The following MTMR4 variants were observed in gnomAD, a reference collection of about 807,000 sequenced individuals.
The protein encoded by MTMR4 is phosphatidylinositol-3,5-bisphosphate 3-phosphatase MTMR4.
Under a neutral mutation model 125.5 loss-of-function variants are expected in MTMR4, and 30 were observed. The observed-to-expected ratio is 0.24, with a 90% CI of 0.18 to 0.32. The LOEUF is 0.32. MTMR4 is among the 10% of genes least tolerant of loss of function. MTMR4 has a pLI of 1.00. For synonymous variants in MTMR4, 498 were observed against 564.5 expected, an observed-to-expected ratio of 0.88 and a Z score of 1.67; for missense variants, 1,039 against 1,511.5, an observed-to-expected ratio of 0.69 and a Z score of 5.18.
chr17:58,515,140 G>T, upstream of MTMR4: 2 of 706,314 alleles, frequency 2.8e-6, no homozygotes, highest in Non-Finnish European at 3.5e-6. Context: ...TACTCCTTCA[G>T]CTCCATCTCT....
In MTMR4 at chr17:58,512,651, A is replaced by G; in HGVS notation, c.136-145T>C. On this transcript the variant is annotated intron_variant, in intron 2 of 17. Transcript: ENST00000682306. The surrounding 1 kb of genome is among the most constrained non-coding windows in gnomAD (Gnocchi z 4.1). ...CTCTCCACGGTAACAGCACCAGGCA[A>G]CAGCTGTACAGGAAAGCTGCCTTTC... 3.7e-6 allele frequency: 3 copies of G among 805,094 alleles called. No homozygotes were observed. The South Asian group carries it at 4.8e-5, about 13-fold the overall frequency. 49.9% of individuals were successfully genotyped at this position (805,094 alleles called of 1,614,324 possible).
At position 58,491,153 on chromosome 17, in the gene MTMR4, A is replaced by C. The variant is rs1975303972; in HGVS notation, c.*510T>G. ...AGACAGTACTAATGCAACTAGAAGG[A>C]GTGCCTCTAAAGGCTGAGCCTTCAT... On this transcript the variant is annotated 3_prime_UTR_variant, in exon 18 of 18. Coordinates refer to ENST00000682306, the MANE Select transcript of MTMR4 (RefSeq NM_001378067.1). 1 of 152,824 alleles carries C rather than the reference A, an allele frequency of 6.5e-6. No individual in the cohort carries two copies. Among genetic ancestry groups the C allele is most frequent in the Middle Eastern group, 3.2e-3 (1 of 316 alleles). 9.5% of individuals were successfully genotyped at this position (152,824 alleles called of 1,614,324 possible).
In MTMR4 at chr17:58,508,638, AG is replaced by A. The variant is rs775876040; in HGVS notation, c.496+42del. On this transcript the variant is annotated intron_variant, in intron 5 of 17. Coordinates refer to ENST00000682306, the MANE Select transcript of MTMR4 (RefSeq NM_001378067.1). This position sits in a 1 kb window ranked among gnomAD's most constrained non-coding sequence, Gnocchi z 4.8. ...AGGAGTGGAGGAGGGATGAGAACTA[AG>A]GGGTAAGAAGCAGCCTCCCAAAGAA... The A allele has an allele frequency of 6.2e-7, 1 of 1,613,738 alleles. No individual in the cohort carries two copies. Among genetic ancestry groups the A allele is most frequent in the South Asian group, 1.1e-5 (1 of 91,082 alleles).
chr17:58,501,646 G>A (rs562571749), intron 14 of MTMR4, among the ~76,000 whole-genome samples: 1 of 150,894 alleles, frequency 6.6e-6, no homozygotes, highest in South Asian at 2.1e-4. Context: ...ATGTATATAT[G>A]TATACGGATA....
Position 58,512,861 on chromosome 17 carries a change from C to A in MTMR4, c.126G>T (p.Glu42Asp), listed in dbSNP as rs765902821. The change falls in exon 2 of 18, where the codon GAG becomes GAT. Residue 42 changes from glutamate (E) to aspartate (D), a missense_variant. Glu to Asp is a conservative substitution (Grantham distance 45). Coordinates refer to ENST00000682306, the MANE Select transcript of MTMR4 (RefSeq NM_001378067.1). This position sits in a 1 kb window ranked among gnomAD's most constrained non-coding sequence, Gnocchi z 4.1. ...FPPKELVKEE[E>D]NLQVPFTVLQ... The stretch of plus-strand genomic sequence containing the variant: ...CCCAACTCCTCCTTACCTGAAGATT[C>A]TCTTCCTCCTTCACTAGTTCCTTGG... 6.2e-7 allele frequency: 1 copy of A among 1,613,164 alleles called. No homozygotes were observed.
intron 14 of MTMR4, among the ~76,000 whole-genome samples, chr17:58,497,036 A>G (rs1452693175): frequency 3.9e-5 from 6 of 152,200 alleles, no homozygotes; most frequent in Admixed American, 3.9e-4. Flanking sequence ...TATAGCACTC[A>G]GAGTTCTAGA....
At chr17:58,503,119 T>C (rs150454793) in intron 14 of MTMR4, among the ~76,000 whole-genome samples, 84 of 152,328 alleles carry the variant, frequency 5.5e-4, no homozygotes, top group African/African-American at 1.9e-3. Flanking sequence ...CCCCATGCCC[T>C]GTACCAGTGA....
rs1975455949 is a variant in MTMR4 at position 58,496,014 on chromosome 17, G to T, written c.2170C>A (p.Pro724Thr). 1 of 1,613,918 alleles carries T rather than the reference G, an allele frequency of 6.2e-7. No homozygotes were observed. Among genetic ancestry groups the T allele is most frequent in the Non-Finnish European group, 8.5e-7 (1 of 1,180,022 alleles). Residue 724 changes from proline to threonine, a missense_variant, in exon 15 of 18, where the codon CCT (proline) becomes ACT (threonine). Pro to Thr is a conservative substitution (Grantham distance 38). Coordinates refer to ENST00000682306, the MANE Select transcript of MTMR4 (RefSeq NM_001378067.1). ...PSYKLLNTAV[P>T]REMKSNTSDP... Reference sequence around the variant, plus strand: ...GAGGTGTTGCTCTTCATTTCCCGAGGCACTGCGGTATTAAGCAGTTTGTAA... The same window carrying T: ...GAGGTGTTGCTCTTCATTTCCCGAGTCACTGCGGTATTAAGCAGTTTGTAA...
rs1445239272 is a variant in MTMR4 at position 58,508,869 on chromosome 17, G to A, written c.336-28C>T. ...GCCAGGCAAGAAGCCACAGGCCTAG[G>A]TGAGGCAAAGTGCAGTTGTGCCATG... is the stretch of plus-strand genomic sequence containing the variant. On this transcript the variant is annotated intron_variant, in intron 4 of 17. Coordinates refer to ENST00000682306, the MANE Select transcript of MTMR4 (RefSeq NM_001378067.1). The surrounding 1 kb of genome is among the most constrained non-coding windows in gnomAD (Gnocchi z 4.8). 2 of 1,604,474 alleles carry A rather than the reference G, an allele frequency of 1.2e-6. No individual in the cohort carries two copies. Among genetic ancestry groups the A allele is most frequent in the Non-Finnish European group, 1.7e-6 (2 of 1,172,508 alleles).
chr17:58,492,578 G>T lies in MTMR4; in HGVS notation c.3385C>A (p.His1129Asn). The T allele has an allele frequency of 6.2e-7, 1 of 1,613,920 alleles. No homozygotes were observed. The highest frequency in any genetic ancestry group is 8.5e-7 in the Non-Finnish European group (1 of 1,179,950). ...CAGTTATAGCAGTGTGATGCCATAT[G>T]GTCTGGAACCCAGCGAGTCACCTAA... ...ETEVTRWVPD[H>N]MASHCYNCDC... The change falls in exon 17 of 18, where the codon CAT becomes AAT. Residue 1129 changes from histidine to asparagine, a missense_variant. This residue lies in a region of MTMR4 where 60 missense variants were observed against 129.6 expected (regional missense o/e 0.46). Coordinates refer to ENST00000682306, the MANE Select transcript of MTMR4 (RefSeq NM_001378067.1).
chr17:58,517,883 G>A (rs1191515272), upstream of MTMR4: 1 of 154,578 alleles, frequency 6.5e-6, no homozygotes, highest in African/African-American at 2.4e-5. Context: ...CAGCTGCTGA[G>A]GCCGCGCAGT....
At chr17:58,509,143 C>T (rs946716330) in intron 4 of MTMR4, among the ~76,000 whole-genome samples, 1 of 152,092 alleles carries the variant, frequency 6.6e-6, no homozygotes, top group East Asian at 1.9e-4. Flanking sequence ...TGAACGTCTG[C>T]ACTCCTTGTC....
At chr17:58,509,798 C>A (rs1339946317) in intron 4 of MTMR4, among the ~76,000 whole-genome samples, 1 of 152,284 alleles carries the variant, frequency 6.6e-6, no homozygotes, top group South Asian at 2.1e-4. Context: ...TAGAGTTTAG[C>A]CTCCTTGAAG....
In MTMR4 at chr17:58,503,282, A is replaced by C. The variant is rs554036258; in HGVS notation, c.1853+462T>G. Among the ~76,000 whole-genome samples the C allele has an allele frequency of 2.6e-5, 4 of 152,316 alleles. No individual in the cohort carries two copies. In the East Asian group the frequency reaches 7.7e-4, roughly 29 times the overall value. The stretch of plus-strand genomic sequence containing the variant: ...TTCAGAGGACCTTGAAAACACACAG[A>C]GTGCACTCCAGGCTAGCTACAAGTC... On this transcript the variant is annotated intron_variant, in intron 14 of 17. Transcript: ENST00000682306.
chr17:58,505,825 TTGAA>T (rs778649523), intron 9 of MTMR4, among the ~76,000 whole-genome samples: 1 of 152,188 alleles, frequency 6.6e-6, no homozygotes, highest in Non-Finnish European at 1.5e-5. Flanking sequence ...GGAGAATTGC[TTGAA>T]CCTGGGAGAT....
chr17:58,496,758 C>A (rs1203598433), intron 14 of MTMR4, among the ~76,000 whole-genome samples: 1 of 152,204 alleles, frequency 6.6e-6, no homozygotes, highest in Non-Finnish European at 1.5e-5. Context: ...TGGAGCTAGA[C>A]AATATTGGCT....
chr17:58,495,618 C>A lies in MTMR4; in HGVS notation c.2566G>T (p.Ala856Ser). Reference protein sequence around the residue: ...FLNQDPSGSVASISHQEQLSS... With the variant: ...FLNQDPSGSVSSISHQEQLSS... ...AGTTGTTCCTGGTGGGAGATACTTGCCACAGACCCTGAGGGATCTTGGTTG... is the reference window on the plus strand; with the variant it reads ...AGTTGTTCCTGGTGGGAGATACTTGACACAGACCCTGAGGGATCTTGGTTG... Residue 856 changes from alanine (A) to serine (S), a missense_variant, in exon 15 of 18, where the codon GCA becomes TCA. Coordinates refer to ENST00000682306, the MANE Select transcript of MTMR4 (RefSeq NM_001378067.1). 6.2e-7 allele frequency: 1 copy of A among 1,614,208 alleles called. No individual in the cohort carries two copies. Among genetic ancestry groups the A allele is most frequent in the Non-Finnish European group, 8.5e-7 (1 of 1,180,044 alleles).
At chr17:58,501,479 T>C (rs981925743) in intron 14 of MTMR4, among the ~76,000 whole-genome samples, 5 of 151,822 alleles carry the variant, frequency 3.3e-5, no homozygotes, top group African/African-American at 1.2e-4. Context: ...AACAAGACCC[T>C]GTCTCTAAAA....
rs1243231231 is a variant in MTMR4, at chr17:58,512,558, C to G, written c.136-52G>C. On this transcript the variant is annotated intron_variant, in intron 2 of 17. Coordinates refer to ENST00000682306, the MANE Select transcript of MTMR4 (RefSeq NM_001378067.1). The surrounding 1 kb of genome is among the most constrained non-coding windows in gnomAD (Gnocchi z 4.1). Reference sequence around the variant, plus strand: ...TCCAGAAGTGAGTGACCACCTTATCCTCTTCTACAGCCCCTGATCTGTGGG... The same window carrying G: ...TCCAGAAGTGAGTGACCACCTTATCGTCTTCTACAGCCCCTGATCTGTGGG... The G allele has an allele frequency of 7.1e-7, 1 of 1,399,538 alleles. No individual in the cohort carries two copies. Among genetic ancestry groups the G allele is most frequent in the South Asian group, 1.2e-5 (1 of 86,638 alleles). 86.7% of individuals were successfully genotyped at this position (1,399,538 alleles called of 1,614,324 possible). A position where few individuals can be genotyped will look rare whatever the true frequency, so the allele number is the denominator to read the frequency against.
Sources: allele counts gnomAD v4.1 joint callset (sites outside exome capture counted in the v4.1 genomes callset), GRCh38; gene constraint gnomAD v4.1.1; regional missense constraint gnomAD v4.1.1; non-coding constraint Gnocchi (gnomAD v3.1); transcripts MANE v1.5; gene names NCBI Gene and HGNC (gene_info 2026-07-23, HGNC 2026-07-21).